Variants in LIN7A observed in about 807,000 individuals in gnomAD.
LIN7A encodes lin-7 cell polarity scaffold A, also known as protein lin-7 homolog A.
A neutral mutation model predicts 29.8 loss-of-function variants in LIN7A; 25 were observed. The observed-to-expected ratio is 0.84, with a 90% CI of 0.61 to 1.17. LIN7A has a LOEUF of 1.17. LIN7A is among the 50% of genes most tolerant of loss of function. LIN7A has a pLI of 0.00. For synonymous variants in LIN7A, 118 were observed against 107.5 expected (o/e 1.10, Z -0.60); for missense variants, 239 against 287.0 (o/e 0.83, Z 1.21).
intron 1 of LIN7A, among the ~76,000 whole-genome samples, chr12:80,933,014 T>A (rs1343732912): frequency 6.6e-6 from 1 of 152,196 alleles, no homozygotes; most frequent in Non-Finnish European, 1.5e-5. Context: ...ATCTTCTCTT[T>A]GTTACAAGGG....
chr12:80,803,309 G>T (rs1056683903), intron 5 of LIN7A, among the ~76,000 whole-genome samples: 1 of 152,098 alleles, frequency 6.6e-6, no homozygotes, highest in African/African-American at 2.4e-5. Context: ...TTTTGTTATG[G>T]GGTGAGATAA....
chr12:80,923,191 C>T (rs369723504), intron 1 of LIN7A, among the ~76,000 whole-genome samples: 33 of 152,308 alleles, frequency 2.2e-4, no homozygotes, highest in African/African-American at 6.5e-4. Context: ...TGTCCTTGGA[C>T]GTCAGAACTG....
chr12:80,796,929 AAAG>A lies in LIN7A; in HGVS notation c.*795_*797del, dbSNP rs1870477056. ...ACTAGATTCTTAATACTTGGTAAGA[AAAG>A]AACCTAAGTTGTAACAAATGCACTC... On this transcript the variant is annotated 3_prime_UTR_variant, in exon 6 of 6. Coordinates refer to ENST00000552864, the MANE Select transcript of LIN7A (RefSeq NM_004664.4). 1.3e-5 allele frequency: 2 copies of A among 152,270 alleles called. No homozygotes were observed. The highest frequency in any genetic ancestry group is 3.9e-4 in the East Asian group (2 of 5,188). The allele number at this position is 152,270 out of a possible 1,614,324, so 9.4% of individuals were successfully genotyped here.
chr12:80,930,628 GATTCA>G (rs1330052110), intron 1 of LIN7A, among the ~76,000 whole-genome samples: 1 of 152,130 alleles, frequency 6.6e-6, no homozygotes, highest in Non-Finnish European at 1.5e-5. Context: ...TAGCTCGTGC[GATTCA>G]ATTCATAAGT....
chr12:80,876,087 A>AAAG (rs1874683738), intron 2 of LIN7A, among the ~76,000 whole-genome samples: 4 of 151,996 alleles, frequency 2.6e-5, no homozygotes, highest in Admixed American at 6.6e-5. Flanking sequence ...ACACAGAGAG[A>AAAG]GAGAAAGAGA....
chr12:80,937,520 C>A (rs972615445), intron 1 of LIN7A, 121 bp downstream of exon 1: 7 of 605,386 alleles, frequency 1.2e-5, no homozygotes, highest in African/African-American at 5.8e-5. Flanking sequence ...CTTCCTGGCT[C>A]GTCCTCGTTC....
intron 2 of LIN7A, among the ~76,000 whole-genome samples, chr12:80,869,213 T>C (rs1203618010): frequency 6.6e-6 from 1 of 151,570 alleles, no homozygotes; most frequent in Non-Finnish European, 1.5e-5. Context: ...TGTGGTGTAG[T>C]TCATGAGACA....
intron 1 of LIN7A, among the ~76,000 whole-genome samples, chr12:80,925,400 C>G (rs1877529433): frequency 6.6e-6 from 1 of 152,188 alleles, no homozygotes; most frequent in African/African-American, 2.4e-5. Flanking sequence ...GCCCTTGCCT[C>G]TTCATATAGC....
At chr12:80,833,781 T>C (rs1680283022) in intron 4 of LIN7A, among the ~76,000 whole-genome samples, 1 of 152,190 alleles carries the variant, frequency 6.6e-6, no homozygotes, top group African/African-American at 2.4e-5. Flanking sequence ...CTATTAATCC[T>C]TTAAAATGCT....
intron 2 of LIN7A, among the ~76,000 whole-genome samples, chr12:80,887,324 T>C (rs1268742493): frequency 6.6e-6 from 1 of 152,126 alleles, no homozygotes; most frequent in Non-Finnish European, 1.5e-5. Flanking sequence ...ACTTTTGTAC[T>C]CACACTTGTA....
chr12:80,815,134 C>T (rs1871472538), intron 4 of LIN7A, among the ~76,000 whole-genome samples: 2 of 152,102 alleles, frequency 1.3e-5, no homozygotes, highest in Non-Finnish European at 2.9e-5. Context: ...TTTTTTTCCC[C>T]ACTAGCTTTG....
intron 5 of LIN7A, among the ~76,000 whole-genome samples, chr12:80,803,003 GTTGT>G (rs942403891): frequency 4.6e-5 from 7 of 152,108 alleles, no homozygotes; most frequent in African/African-American, 1.7e-4. Context: ...TTGCTATTGA[GTTGT>G]TTAAGTTCCA....
chr12:80,840,643 A>G (rs1872765802), intron 4 of LIN7A, among the ~76,000 whole-genome samples: 1 of 152,204 alleles, frequency 6.6e-6, no homozygotes, highest in Admixed American at 6.5e-5. Flanking sequence ...CTTTCCATTC[A>G]GAAAAAAATG....
At chr12:80,825,096 T>C (rs1410827290) in intron 4 of LIN7A, among the ~76,000 whole-genome samples, 2 of 152,188 alleles carry the variant, frequency 1.3e-5, no homozygotes, top group Non-Finnish European at 2.9e-5. Context: ...TATGATTGTA[T>C]ACCTAGAAAC....
At chr12:80,897,100 T>C (rs2120702722) in intron 1 of LIN7A, among the ~76,000 whole-genome samples, 1 of 152,296 alleles carries the variant, frequency 6.6e-6, no homozygotes, top group African/African-American at 2.4e-5. Context: ...AAAATCCTTC[T>C]TATTTTCTTT....
At chr12:80,819,884 A>T (rs1871713020) in intron 4 of LIN7A, among the ~76,000 whole-genome samples, 1 of 152,218 alleles carries the variant, frequency 6.6e-6, no homozygotes, top group African/African-American at 2.4e-5. Flanking sequence ...ATGTTTACAG[A>T]CAACAACAGC....
chr12:80,806,215 A>G (rs1303456316), intron 5 of LIN7A, among the ~76,000 whole-genome samples: 1 of 152,184 alleles, frequency 6.6e-6, no homozygotes, highest in Non-Finnish European at 1.5e-5. Context: ...GTGAAAATGA[A>G]CTAATACAAC....
chr12:80,807,799 A>C (rs529206389), intron 5 of LIN7A, among the ~76,000 whole-genome samples: 1 of 152,226 alleles, frequency 6.6e-6, no homozygotes, highest in African/African-American at 2.4e-5. Flanking sequence ...CTGTCTATAG[A>C]CTTCTGTCTC....
intron 1 of LIN7A, among the ~76,000 whole-genome samples, chr12:80,926,285 A>G (rs1228374780): frequency 6.6e-6 from 1 of 152,224 alleles, no homozygotes; most frequent in Non-Finnish European, 1.5e-5. Flanking sequence ...AGTAAACATG[A>G]CATACAGAAG....
Sources: gnomAD v4.1 joint callset for allele counts (sites outside exome capture counted in the v4.1 genomes callset) on GRCh38, gnomAD v4.1.1 for gene constraint, MANE v1.5 for transcripts, NCBI Gene and HGNC (gene_info 2026-07-23, HGNC 2026-07-21) for gene names.